The following MDGA2 variants were observed in gnomAD, a reference collection of about 807,000 sequenced individuals.
MDGA2 encodes MAM domain-containing glycosylphosphatidylinositol anchor protein 2.
Under a neutral mutation model 117.8 loss-of-function variants are expected in MDGA2, and 40 were observed. The ratio of observed to expected loss-of-function variants is 0.34; its 90% CI spans 0.26 to 0.44. The LOEUF is 0.44. Ranked by LOEUF, MDGA2 falls within the 20% of genes least tolerant of loss-of-function variation. The probability of loss-of-function intolerance (pLI) is 1.00; values close to 1 mark genes in which losing one functional copy is unlikely to be tolerated. For missense variants in MDGA2, 1,123 were observed against 1,250.6 expected (o/e 0.90, Z 1.54); for synonymous variants, 452 against 439.0 (o/e 1.03, Z -0.37).
chr14:47,301,525 G>C lies in MDGA2; in HGVS notation c.306C>G (p.His102Gln), dbSNP rs1250609535. 4 of 1,551,596 alleles carry C rather than the reference G, an allele frequency of 2.6e-6. No homozygotes were observed. Among genetic ancestry groups the C allele is most frequent in the Non-Finnish European group, 1.7e-6 (2 of 1,146,984 alleles). The change falls in exon 2 of 17, where the codon CAC becomes CAG. Residue 102 changes from histidine (H) to glutamine (Q), a missense_variant. Transcript: ENST00000399232. ...VYAPPTVRIV[H>Q]SGLACNIEEE... is the part of the protein sequence containing the mutation. ...CTTCAATGTTACAGGCCAAGCCTGA[G>C]TGCACAATACGAACCGTGGGAGGAG...
intron 5 of MDGA2, among the ~76,000 whole-genome samples, chr14:47,108,623 C>T (rs1216081326): frequency 6.6e-6 from 1 of 152,142 alleles, no homozygotes; most frequent in Non-Finnish European, 1.5e-5. Flanking sequence ...CTTTACCTAC[C>T]CAAATCCTAT....
intron 14 of MDGA2, among the ~76,000 whole-genome samples, chr14:46,868,444 C>A (rs1163641011): frequency 1.3e-5 from 2 of 151,748 alleles, no homozygotes; most frequent in Admixed American, 1.3e-4. Flanking sequence ...AAAGAGACAG[C>A]CTGTGAAGAG....
chr14:47,392,757 A>G (rs80346467), intron 1 of MDGA2, among the ~76,000 whole-genome samples: 3 of 152,140 alleles, frequency 2.0e-5, no homozygotes, highest in African/African-American at 7.2e-5. Context: ...ATATTTTTAA[A>G]CCAAAAAATA....
At chr14:47,635,394 C>G (rs1411152133) in intron 1 of MDGA2, among the ~76,000 whole-genome samples, 1 of 152,044 alleles carries the variant, frequency 6.6e-6, no homozygotes, top group Admixed American at 6.6e-5. Context: ...TCAATTTATT[C>G]TCTCCTAATT....
chr14:47,242,649 G>A (rs1448890185), intron 2 of MDGA2, among the ~76,000 whole-genome samples: 2 of 151,798 alleles, frequency 1.3e-5, no homozygotes, highest in East Asian at 3.9e-4. Flanking sequence ...CGCTGCGCTC[G>A]ATTTCTCGCT....
At chr14:47,488,054 G>A (rs1894095637) in intron 1 of MDGA2, among the ~76,000 whole-genome samples, 1 of 152,042 alleles carries the variant, frequency 6.6e-6, no homozygotes, top group Non-Finnish European at 1.5e-5. Context: ...CAGCCCTGGG[G>A]CTCTCTGGGT....
Position 47,110,569 on chromosome 14 carries a change from C to T in MDGA2, c.926-13446G>A, listed in dbSNP as rs141696428. Among the ~76,000 whole-genome samples the T allele has an allele frequency of 3.5e-3, 533 of 152,242 alleles. 3 individuals carry two copies. Among genetic ancestry groups the T allele is most frequent in the African/African-American group, 0.012 (516 of 41,554 alleles). ...AATCCATTCTGGGGACACTTTATCA[C>T]AGTGTAATATTTTGAACACCTTTAT... On this transcript the variant is annotated intron_variant, in intron 5 of 16. Coordinates refer to ENST00000399232, the MANE Select transcript of MDGA2 (RefSeq NM_001113498.3).
At chr14:47,567,062 G>A (rs1051967973) in intron 1 of MDGA2, among the ~76,000 whole-genome samples, 3 of 151,784 alleles carry the variant, frequency 2.0e-5, no homozygotes, top group East Asian at 2.0e-4. Flanking sequence ...GTGCCACTAC[G>A]CCCAGCTATC....
At chr14:47,362,201 T>C (rs1018320139) in intron 1 of MDGA2, among the ~76,000 whole-genome samples, 6 of 152,176 alleles carry the variant, frequency 3.9e-5, no homozygotes, top group African/African-American at 1.4e-4. Context: ...ATAAAGGGAA[T>C]ATAGACATCT....
chr14:46,983,725 G>C (rs1184615182), intron 8 of MDGA2, among the ~76,000 whole-genome samples: 1 of 152,024 alleles, frequency 6.6e-6, no homozygotes, highest in Non-Finnish European at 1.5e-5. Context: ...CACATTAAAA[G>C]AGAATAGTTT....
At position 47,459,938 on chromosome 14, in the gene MDGA2, T is replaced by C. The variant is rs117831802; in HGVS notation, c.281-158388A>G. On this transcript the variant is annotated intron_variant, in intron 1 of 16. Coordinates refer to ENST00000399232, the MANE Select transcript of MDGA2 (RefSeq NM_001113498.3). ...AACCAGGCAATTTATTTTTGAATGA[T>C]CAAGAGTGGATTTCTAAAACTTAAA... 5.5e-3 allele frequency among the ~76,000 whole-genome samples: 844 copies of C among 152,256 alleles called. 6 individuals carry two copies. Among genetic ancestry groups the C allele is most frequent in the Non-Finnish European group, 7.7e-3 (521 of 67,982 alleles).
intron 8 of MDGA2, chr14:46,960,363 C>T (rs889042949): frequency 1.3e-5 from 2 of 152,030 alleles, no homozygotes; most frequent in African/African-American, 4.8e-5. Flanking sequence ...TTCCTTGTGT[C>T]TGAAGTTATC....
intron 3 of MDGA2, among the ~76,000 whole-genome samples, chr14:47,166,440 A>G (rs1302796529): frequency 6.6e-6 from 1 of 152,176 alleles, no homozygotes. Flanking sequence ...AAATATTTAT[A>G]GATATATAAT....
intron 1 of MDGA2, among the ~76,000 whole-genome samples, chr14:47,415,810 T>A (rs977734651): frequency 6.6e-6 from 1 of 152,104 alleles, no homozygotes; most frequent in East Asian, 1.9e-4. Flanking sequence ...CAGACTGCCG[T>A]CTTCCTGCTG....
At chr14:46,939,974 G>A (rs1473437204) in intron 9 of MDGA2, among the ~76,000 whole-genome samples, 1 of 152,066 alleles carries the variant, frequency 6.6e-6, no homozygotes, top group African/African-American at 2.4e-5. Flanking sequence ...CTCTTACCCT[G>A]GTATAGGAAC....
At chr14:47,657,456 CTAG>C (rs1256309421) in intron 1 of MDGA2, among the ~76,000 whole-genome samples, 1 of 152,182 alleles carries the variant, frequency 6.6e-6, no homozygotes, top group African/African-American at 2.4e-5. Flanking sequence ...CAGCATTGAA[CTAG>C]CTAATGCTGC....
At chr14:46,895,758 T>C (rs12892410) in intron 10 of MDGA2, among the ~76,000 whole-genome samples, 45,875 of 151,804 alleles carry the variant, frequency 0.3, 7,246 homozygotes, top group South Asian at 0.52. Context: ...TAACTAGGTA[T>C]ATTTCTATAA....
intron 2 of MDGA2, among the ~76,000 whole-genome samples, chr14:47,301,072 A>G (rs770325986): frequency 5.9e-5 from 9 of 152,150 alleles, no homozygotes; most frequent in Non-Finnish European, 1.2e-4. Flanking sequence ...AAATAAACTC[A>G]TTGCCATATG....
intron 9 of MDGA2, among the ~76,000 whole-genome samples, chr14:46,948,756 T>C (rs994910476): frequency 2.0e-5 from 3 of 151,982 alleles, no homozygotes; most frequent in Non-Finnish European, 4.4e-5. Context: ...CAGAATAATA[T>C]ACAGAGGGGA....
Sources: gnomAD v4.1 joint callset for allele counts (sites outside exome capture counted in the v4.1 genomes callset) on GRCh38, gnomAD v4.1.1 for gene constraint, MANE v1.5 for transcripts, NCBI Gene and HGNC (gene_info 2026-07-23, HGNC 2026-07-21) for gene names.